MRC1: variants seen among roughly 807,000 people sequenced by gnomAD.
MRC1 encodes the protein macrophage mannose receptor 1.
Under a neutral mutation model 102.9 loss-of-function variants are expected in MRC1, and 62 were observed. The ratio of observed to expected loss-of-function variants is 0.60; its 90% CI spans 0.49 to 0.74. MRC1 has a LOEUF of 0.74. MRC1 is among the 30% of genes least tolerant of loss of function. The pLI, the probability that MRC1 is intolerant of heterozygous loss-of-function variation, is 0.00. For missense variants in MRC1, 1,237 were observed against 862.8 expected, an observed-to-expected ratio of 1.43 and a Z score of -5.43; for synonymous variants, 457 against 298.4, an observed-to-expected ratio of 1.53 and a Z score of -5.48.
chr10:17,906,329 T>C (rs1304370207), intron 26 of MRC1, among the ~76,000 whole-genome samples: 3 of 150,444 alleles, frequency 2.0e-5, no homozygotes, highest in African/African-American at 7.4e-5. Flanking sequence ...GTGGACCAGA[T>C]TGGTGCTATA....
At chr10:17,842,700 T>C (rs902679041) in intron 5 of MRC1, among the ~76,000 whole-genome samples, 2 of 152,214 alleles carry the variant, frequency 1.3e-5, no homozygotes, top group Non-Finnish European at 2.9e-5. Flanking sequence ...TGTTGCTAAA[T>C]TTTTATACAT....
chr10:17,866,744 A>G lies in MRC1; in HGVS notation c.1966A>G (p.Thr656Ala), dbSNP rs1833274338. 1.3e-6 allele frequency: 1 copy of G among 780,706 alleles called. No individual in the cohort carries two copies. The highest frequency in any genetic ancestry group is 2.4e-6 in the Non-Finnish European group (1 of 417,956). 48.4% of individuals were successfully genotyped at this position (780,706 alleles called of 1,614,324 possible). ...GGAGGATTGGGGCGCCAGCAGTAGA[A>G]CAAGCTTGTGTTTCAAGGTGAGTAT... ...CPEDWGASSR[T>A]SLCFKLYAKG... Residue 656 changes from threonine to alanine, a missense_variant, in exon 12 of 30, where the codon ACA becomes GCA. By Grantham distance (58) the Thr-to-Ala change is moderately conservative (BLOSUM62 0). Coordinates refer to ENST00000569591, the MANE Select transcript of MRC1 (RefSeq NM_002438.4).
chr10:17,898,098 C>T lies in MRC1; in HGVS notation c.3315C>T (p.Ser1105=). 6.4e-6 allele frequency: 5 copies of T among 780,836 alleles called. No homozygotes were observed. The highest frequency in any genetic ancestry group is 5.4e-5 in the South Asian group (4 of 74,606). 48.4% of individuals were successfully genotyped at this position (780,836 alleles called of 1,614,324 possible). The change falls in exon 24 of 30, where the codon AGC becomes AGT. Residue 1105 remains serine (S), a synonymous_variant. Coordinates refer to ENST00000569591, the MANE Select transcript of MRC1 (RefSeq NM_002438.4). ...ATGGCTTTGTTAAATATGGCAAAAG[C>T]AGCTATTCACTCATGAGACAAAAAT... ...QTDGFVKYGK[S]SYSLMRQKFQ...
At chr10:17,829,960 A>T (rs1838544327) in intron 3 of MRC1, among the ~76,000 whole-genome samples, 1 of 151,472 alleles carries the variant, frequency 6.6e-6, no homozygotes, top group Admixed American at 6.6e-5. Context: ...GTCAAATTAT[A>T]TATTTTTTCC....
intron 1 of MRC1, among the ~76,000 whole-genome samples, chr10:17,818,187 A>G (rs1838341086): frequency 6.6e-6 from 1 of 152,244 alleles, no homozygotes; most frequent in Non-Finnish European, 1.5e-5. Flanking sequence ...TTCAGGGGAA[A>G]AATGAATATT....
intron 5 of MRC1, 140 bp from the exon 6 acceptor site, chr10:17,845,149 A>AT (rs2130633618): frequency 2.6e-6 from 2 of 779,526 alleles, no homozygotes; most frequent in East Asian, 2.4e-5. Flanking sequence ...GTCAGTAAAT[A>AT]TTTTTTTGTG....
At chr10:17,883,068 A>G (rs1474371422) in intron 21 of MRC1, among the ~76,000 whole-genome samples, 2 of 152,162 alleles carry the variant, frequency 1.3e-5, no homozygotes, top group Non-Finnish European at 2.9e-5. Context: ...CAAGCTGGGG[A>G]TGAGGCAAAA....
At chr10:17,859,263 T>C (rs1211087886) in intron 9 of MRC1, among the ~76,000 whole-genome samples, 1 of 152,234 alleles carries the variant, frequency 6.6e-6, no homozygotes, top group Non-Finnish European at 1.5e-5. Context: ...CTTTCTGTTT[T>C]ATTATGTTCA....
intron 5 of MRC1, among the ~76,000 whole-genome samples, chr10:17,843,106 T>C (rs2130629648): frequency 6.6e-6 from 1 of 152,354 alleles, no homozygotes; most frequent in Non-Finnish European, 1.5e-5. Flanking sequence ...ATATAATAAC[T>C]ATGGTAAACA....
intron 7 of MRC1, among the ~76,000 whole-genome samples, chr10:17,849,982 TTC>T (rs1165878036): frequency 6.6e-6 from 1 of 152,184 alleles, no homozygotes; most frequent in African/African-American, 2.4e-5. Flanking sequence ...ATAATTCAAT[TTC>T]TTTTTCTTTT....
intron 21 of MRC1, among the ~76,000 whole-genome samples, chr10:17,884,960 T>A (rs1354193783): frequency 6.6e-6 from 1 of 152,252 alleles, no homozygotes; most frequent in Non-Finnish European, 1.5e-5. Context: ...AAGTTTTGGT[T>A]GTAGGCAGCC....
At chr10:17,844,359 C>A (rs1838794417) in intron 5 of MRC1, among the ~76,000 whole-genome samples, 4 of 152,090 alleles carry the variant, frequency 2.6e-5, no homozygotes, top group Non-Finnish European at 5.9e-5. Flanking sequence ...GCTGGGATTA[C>A]AGGTGCCCGC....
chr10:17,855,571 CAAAA>C (rs35692453), intron 8 of MRC1, among the ~76,000 whole-genome samples: 2 of 42,084 alleles, frequency 4.8e-5, no homozygotes, highest in Non-Finnish European at 8.6e-5. Flanking sequence ...GACTCCGTCT[CAAAA>C]AAAAAAAAAA....
chr10:17,903,867 A>T (rs1833862208), intron 26 of MRC1, among the ~76,000 whole-genome samples: 1 of 152,096 alleles, frequency 6.6e-6, no homozygotes, highest in Non-Finnish European at 1.5e-5. Context: ...GAAACAGGAG[A>T]ATCACTTGAA....
chr10:17,846,201 C>T (rs1291441169), intron 6 of MRC1, among the ~76,000 whole-genome samples: 2 of 151,950 alleles, frequency 1.3e-5, no homozygotes, highest in Non-Finnish European at 1.5e-5. Context: ...AGCCACCGTG[C>T]CTGGCCTGTA....
chr10:17,818,315 ATTAT>A (rs1838343284), intron 1 of MRC1, among the ~76,000 whole-genome samples: 1 of 152,186 alleles, frequency 6.6e-6, no homozygotes, highest in Non-Finnish European at 1.5e-5. Context: ...TTGTTGAGAG[ATTAT>A]TTATGCTCCC....
intron 21 of MRC1, among the ~76,000 whole-genome samples, 174 bp from the exon 22 acceptor site, chr10:17,885,095 A>G (rs1833573817): frequency 6.6e-6 from 1 of 152,252 alleles, no homozygotes; most frequent in Non-Finnish European, 1.5e-5. Flanking sequence ...CCAAAGCGCA[A>G]GTGACAACAC....
chr10:17,809,793 C>A (rs1838195531), intron 1 of MRC1, among the ~76,000 whole-genome samples: 1 of 152,168 alleles, frequency 6.6e-6, no homozygotes, highest in Non-Finnish European at 1.5e-5. Flanking sequence ...GTCCTCCTGA[C>A]TTCTCTCATC....
Position 17,894,247 on chromosome 10 carries a change from A to C in MRC1, c.3185A>C (p.Glu1062Ala). ...CVVIIGGASN[E>A]AGKWMDDTCD... ...GTTATTATTGGAGGTGCATCAAATG[A>C]AGCAGGAAAATGGATGGATGATACC... is the stretch of plus-strand genomic sequence containing the variant. The change falls in exon 23 of 30, where the codon GAA (glutamate) becomes GCA (alanine). Residue 1062 changes from glutamate to alanine, a missense_variant. Transcript: ENST00000569591. 1.1e-6 allele frequency: 1 copy of C among 872,684 alleles called. No homozygotes were observed. The highest frequency in any genetic ancestry group is 2.0e-6 in the Non-Finnish European group (1 of 501,512). The allele number at this position is 872,684 out of a possible 1,614,324, so 54.1% of individuals were successfully genotyped here. A position where few individuals can be genotyped will look rare whatever the true frequency, so the allele number is the denominator to read the frequency against.
Sources: allele counts gnomAD v4.1 joint callset (sites outside exome capture counted in the v4.1 genomes callset), GRCh38; gene constraint gnomAD v4.1.1; transcripts MANE v1.5; gene names NCBI Gene and HGNC (gene_info 2026-07-23, HGNC 2026-07-21).